Variants in LRP1 observed in about 807,000 individuals in gnomAD.
LRP1 encodes the protein LDL receptor related protein 1.
A neutral mutation model predicts 541.5 loss-of-function variants in LRP1; 51 were observed. The ratio of observed to expected loss-of-function variants is 0.09; its 90% CI spans 0.08 to 0.12. LRP1 has a LOEUF of 0.12. Ranked by LOEUF, LRP1 falls within the 10% of genes least tolerant of loss-of-function variation. The pLI is 1.00. For synonymous variants in LRP1, 2,219 were observed against 2,470.8 expected (o/e 0.90, Z 3.02); for missense variants, 3,878 against 6,376.2 (o/e 0.61, Z 13.34).
At position 57,196,254 on chromosome 12, in the gene LRP1, G is replaced by A. The variant is rs1249918223; in HGVS notation, c.8869G>A (p.Glu2957Lys). The A allele has an allele frequency of 6.3e-7, 1 of 1,599,854 alleles. No individual in the cohort carries two copies. Among genetic ancestry groups the A allele is most frequent in the Non-Finnish European group, 8.5e-7 (1 of 1,170,514 alleles). The change falls in exon 55 of 89, where the codon GAG becomes AAG. Residue 2957 changes from glutamate to lysine, a missense_variant. Transcript: ENST00000243077. ...RKLSGCSQDCEDLKIGFKCRC... is the reference protein window; with the variant it reads ...RKLSGCSQDCKDLKIGFKCRC... ...GCTCAGTGGCTGCAGCCAGGACTGTGAGGACCTCAAGATCGGCTTCAAGGT... is the reference window on the plus strand; with the variant it reads ...GCTCAGTGGCTGCAGCCAGGACTGTAAGGACCTCAAGATCGGCTTCAAGGT...
At chr12:57,171,921 C>G (rs965716177) in intron 20 of LRP1, among the ~76,000 whole-genome samples, 1 of 152,144 alleles carries the variant, frequency 6.6e-6, no homozygotes, top group South Asian at 2.1e-4. Context: ...GCCCTCCAGC[C>G]TGTACTGGCT....
In LRP1 at chr12:57,183,287, A is replaced by G. The variant is rs540152004; in HGVS notation, c.5663-92A>G. 1.7e-3 allele frequency: 2,272 copies of G among 1,371,712 alleles called. 4 individuals carry two copies. The highest frequency in any genetic ancestry group is 1.9e-3 in the Non-Finnish European group (1,905 of 987,310). 85.0% of individuals were successfully genotyped at this position (1,371,712 alleles called of 1,614,324 possible). A position where few individuals can be genotyped will look rare whatever the true frequency, so the allele number is the denominator to read the frequency against. On this transcript the variant is annotated intron_variant, in intron 34 of 88. Transcript: ENST00000243077. The surrounding 1 kb of genome is among the most constrained non-coding windows in gnomAD (Gnocchi z 6.1). The stretch of plus-strand genomic sequence containing the variant: ...GATGATGGTGGGGGGGGATGATATC[A>G]AAGGAGAAGCAGAGAACAGTTGGAG...
Position 57,189,164 on chromosome 12 carries a change from C to T in LRP1, c.7032-1641C>T, listed in dbSNP as rs1025372070. Among the ~76,000 whole-genome samples the T allele has an allele frequency of 6.6e-6, 1 of 152,220 alleles. No individual in the cohort carries two copies. Among genetic ancestry groups the T allele is most frequent in the African/African-American group, 2.4e-5 (1 of 41,450 alleles). On this transcript the variant is annotated intron_variant, in intron 42 of 88. Transcript: ENST00000243077. This position sits in a 1 kb window ranked among gnomAD's most constrained non-coding sequence, Gnocchi z 4.4. ...CTACCCCAGGAAAGCCTCTCTCTCC[C>T]TCCTGCCCCATTCCTGGGAAGCAGG...
In LRP1 at chr12:57,205,117, A is replaced by G. The variant is rs1363799863; in HGVS notation, c.11203A>G (p.Thr3735Ala). Reference protein sequence around the residue: ...GTDEEDCEPPTAHTTHCKDKK... With the variant: ...GTDEEDCEPPAAHTTHCKDKK... The stretch of plus-strand genomic sequence containing the variant: ...GCCTCTGCCCTCCTCAGAGCCCCCC[A>G]CAGCCCACACCACCCACTGCAAAGA... Residue 3735 changes from threonine (T) to alanine (A), a missense_variant, in exon 73 of 89, where the codon ACA becomes GCA. Thr to Ala is a moderately conservative substitution (Grantham distance 58). This residue lies in a region of LRP1 where 871 missense variants were observed against 1,212.4 expected (regional missense o/e 0.72). Coordinates refer to ENST00000243077, the MANE Select transcript of LRP1 (RefSeq NM_002332.3). This position sits in a 1 kb window ranked among gnomAD's most constrained non-coding sequence, Gnocchi z 4.6. 3.1e-6 allele frequency: 5 copies of G among 1,613,396 alleles called. No individual in the cohort carries two copies. The South Asian group carries it at 4.4e-5, about 14-fold the overall frequency.
intron 70 of LRP1, 51 bp downstream of exon 70, chr12:57,203,572 G>A (rs375913398): frequency 2.2e-5 from 32 of 1,453,220 alleles, no homozygotes; most frequent in African/African-American, 1.4e-4. Context: ...TGCCCACCCC[G>A]CCACATGGCC....
chr12:57,159,131 C>T (rs2035680071), intron 11 of LRP1, among the ~76,000 whole-genome samples: 1 of 152,208 alleles, frequency 6.6e-6, no homozygotes, highest in Admixed American at 6.5e-5. Context: ...GTTCACAGTG[C>T]ATTGTCTTTT....
At chr12:57,141,668 T>C (rs1193303012) in intron 3 of LRP1, among the ~76,000 whole-genome samples, 157 bp downstream of exon 3, 1 of 152,236 alleles carries the variant, frequency 6.6e-6, no homozygotes, top group East Asian at 1.9e-4. Context: ...GATGTGCCCC[T>C]TGGGCCTGGA....
chr12:57,143,408 G>T (rs1274484638), intron 3 of LRP1, among the ~76,000 whole-genome samples: 2 of 152,212 alleles, frequency 1.3e-5, no homozygotes, highest in Non-Finnish European at 2.9e-5. Flanking sequence ...TCTCCATGGG[G>T]ACAGAGGTAG....
In LRP1 at chr12:57,161,029, C is replaced by T. The variant is rs1369237771; in HGVS notation, c.2116C>T (p.Leu706=). ...AGTGCTTTGGCCCAATGGGCTAAGCCTGGACATCCCGGCTGGGCGCCTCTA... is the reference window on the plus strand; with the variant it reads ...AGTGCTTTGGCCCAATGGGCTAAGCTTGGACATCCCGGCTGGGCGCCTCTA... The part of the protein sequence containing the change: ...KTVLWPNGLS[L]DIPAGRLYWV... Residue 706 remains leucine, a synonymous_variant, in exon 13 of 89, where the codon CTG becomes TTG. Transcript: ENST00000243077. 5 of 1,614,006 alleles carry T rather than the reference C, an allele frequency of 3.1e-6. No homozygotes were observed. The Middle Eastern group carries it at 6.6e-4, about 213-fold the overall frequency.
chr12:57,184,544 G>T lies in LRP1; in HGVS notation c.6186+92G>T, dbSNP rs1008712887. 3 of 1,543,808 alleles carry T rather than the reference G, an allele frequency of 1.9e-6. No homozygotes were observed. Among genetic ancestry groups the T allele is most frequent in the Admixed American group, 1.9e-5 (1 of 53,926 alleles). On this transcript the variant is annotated intron_variant, in intron 38 of 88. Transcript: ENST00000243077. This position sits in a 1 kb window ranked among gnomAD's most constrained non-coding sequence, Gnocchi z 7.8. ...TGAGCCCATTCTGGGAGGACTTGGA[G>T]CCCAGGGGAAGTCACAGGGTCTCCC...
chr12:57,180,205 G>C (rs1438370696), intron 31 of LRP1, 64 bp downstream of exon 31: 1 of 1,581,920 alleles, frequency 6.3e-7, no homozygotes, highest in African/African-American at 1.3e-5. Flanking sequence ...GGTGCTTGCA[G>C]GGTCCTTCAG....
Position 57,196,968 on chromosome 12 carries a change from C to A in LRP1, c.8893-14C>A. The stretch of plus-strand genomic sequence containing the variant: ...CCTGCCACATGCCCAGCCCAAGGCT[C>A]CCTGTGCCTGCAGTGCCGCTGTCGC... On this transcript the variant is annotated splice_polypyrimidine_tract_variant and intron_variant, in intron 55 of 88. Coordinates refer to ENST00000243077, the MANE Select transcript of LRP1 (RefSeq NM_002332.3). 1 of 1,602,886 alleles carries A rather than the reference C, an allele frequency of 6.2e-7. No homozygotes were observed.
chr12:57,179,465 C>T lies in LRP1; in HGVS notation c.4875C>T (p.Arg1625=), dbSNP rs768556288. 1.9e-5 allele frequency: 31 copies of T among 1,614,140 alleles called. No homozygotes were observed. Among genetic ancestry groups the T allele is most frequent in the South Asian group, 1.4e-4 (13 of 91,090 alleles). The part of the protein sequence containing the change: ...DNVTVLDYDA[R]EQRVYWSDVR... ...TCACAGTGCTAGACTACGATGCCCG[C>T]GAGCAGCGTGTGTACTGGTCTGACG... Residue 1625 remains arginine (R), a synonymous_variant, in exon 29 of 89, where the codon CGC becomes CGT. Coordinates refer to ENST00000243077, the MANE Select transcript of LRP1 (RefSeq NM_002332.3). This position sits in a 1 kb window ranked among gnomAD's most constrained non-coding sequence, Gnocchi z 6.8.
intron 79 of LRP1, 110 bp downstream of exon 79, chr12:57,209,309 C>A: frequency 1.1e-6 from 1 of 897,732 alleles, no homozygotes; most frequent in East Asian, 2.5e-5. Context: ...TCACTGACCC[C>A]CAGCAATGCT....
Position 57,191,414 on chromosome 12 carries a change from G to A in LRP1, c.7331G>A (p.Arg2444Gln), listed in dbSNP as rs1320769666. 4.3e-6 allele frequency: 7 copies of A among 1,613,254 alleles called. No individual in the cohort carries two copies. Among genetic ancestry groups the A allele is most frequent in the African/African-American group, 1.3e-5 (1 of 74,796 alleles). Residue 2444 changes from arginine to glutamine, a missense_variant, in exon 44 of 89, where the codon CGG becomes CAG. By Grantham distance (43) the Arg-to-Gln change is conservative (BLOSUM62 1). Transcript: ENST00000243077. The part of the protein sequence containing the change: ...WTDWVRRAVQ[R>Q]ANKHVGSNMK... ...GACTGGGTGCGGCGGGCAGTGCAGC[G>A]GGCCAACAAGCACGTGGGCAGCAAC...
chr12:57,135,204 G>A (rs1335763747), intron 1 of LRP1, among the ~76,000 whole-genome samples: 1 of 152,210 alleles, frequency 6.6e-6, no homozygotes, highest in Non-Finnish European at 1.5e-5. Context: ...AGGTGAAAAA[G>A]GTTAGCTCCC....
chr12:57,158,307 A>G lies in LRP1; in HGVS notation c.1562-95A>G. The G allele has an allele frequency of 1.0e-6, 1 of 1,000,042 alleles. No individual in the cohort carries two copies. The highest frequency in any genetic ancestry group is 1.5e-5 in the South Asian group (1 of 65,298). The allele number at this position is 1,000,042 out of a possible 1,614,324, so 61.9% of individuals were successfully genotyped here. ...CATCCCTAACGTCTCCTGACCCATC[A>G]CAGCTAGGGCATTGCAGCCCCTTGG... On this transcript the variant is annotated intron_variant, in intron 10 of 88. Coordinates refer to ENST00000243077, the MANE Select transcript of LRP1 (RefSeq NM_002332.3). The surrounding 1 kb of genome is among the most constrained non-coding windows in gnomAD (Gnocchi z 5.3).
At position 57,154,194 on chromosome 12, in the gene LRP1, T is replaced by C; in HGVS notation, c.842-14T>C. ...CCTACCCCACCCCATGGCTCTTTCATTCGTACTCTCCAGACGTGGAACAGA... is the reference window on the plus strand; with the variant it reads ...CCTACCCCACCCCATGGCTCTTTCACTCGTACTCTCCAGACGTGGAACAGA... On this transcript the variant is annotated splice_polypyrimidine_tract_variant and intron_variant, in intron 6 of 88. Transcript: ENST00000243077. The surrounding 1 kb of genome is among the most constrained non-coding windows in gnomAD (Gnocchi z 4.6). 1 of 1,607,162 alleles carries C rather than the reference T, an allele frequency of 6.2e-7. No homozygotes were observed. The highest frequency in any genetic ancestry group is 8.5e-7 in the Non-Finnish European group (1 of 1,174,394).
Position 57,154,105 on chromosome 12 carries a change from C to T in LRP1, c.842-103C>T, listed in dbSNP as rs573940916. The T allele has an allele frequency of 1.6e-5, 17 of 1,095,740 alleles. No homozygotes were observed. The Admixed American group carries it at 2.1e-4, about 14-fold the overall frequency. 67.9% of individuals were successfully genotyped at this position (1,095,740 alleles called of 1,614,324 possible). ...TGGGGGTGTTGGGTGGGAGGGCGTCCAGAGAAGGTGGGCTTCCAGGTGTGG... is the reference window on the plus strand; with the variant it reads ...TGGGGGTGTTGGGTGGGAGGGCGTCTAGAGAAGGTGGGCTTCCAGGTGTGG... On this transcript the variant is annotated intron_variant, in intron 6 of 88. Coordinates refer to ENST00000243077, the MANE Select transcript of LRP1 (RefSeq NM_002332.3). The surrounding 1 kb of genome is among the most constrained non-coding windows in gnomAD (Gnocchi z 4.6).
Sources: gnomAD v4.1 joint callset for allele counts (sites outside exome capture counted in the v4.1 genomes callset) on GRCh38, gnomAD v4.1.1 for gene constraint, gnomAD v4.1.1 regional missense constraint, Gnocchi (gnomAD v3.1) non-coding constraint, MANE v1.5 for transcripts, NCBI Gene and HGNC (gene_info 2026-07-23, HGNC 2026-07-21) for gene names.